The following BLTP1 variants were observed in gnomAD, a reference collection of about 807,000 sequenced individuals.
The protein encoded by BLTP1 is bridge-like lipid transfer protein family member 1, also known as fragile site-associated protein.
chr4:122,256,092 G>A, the BLTP1 span: 4 of 982,752 alleles, frequency 4.1e-6, no homozygotes, highest in Non-Finnish European at 4.8e-6. Flanking sequence ...TAGAGTTTTA[G>A]AACTTTTAGG....
chr4:122,262,148 T>G, the BLTP1 span, among the ~76,000 whole-genome samples: 3 of 133,430 alleles, frequency 2.2e-5, no homozygotes, highest in Non-Finnish European at 4.8e-5. Flanking sequence ...TACAGATCCT[T>G]TGTGTGTGTG....
the BLTP1 span, among the ~76,000 whole-genome samples, chr4:122,283,970 C>A: frequency 6.6e-6 from 1 of 152,100 alleles, no homozygotes; most frequent in Non-Finnish European, 1.5e-5. Flanking sequence ...TTGTTTAGGT[C>A]TTCTTTAATG....
chr4:122,286,493 G>C, the BLTP1 span: 4 of 1,603,952 alleles, frequency 2.5e-6, no homozygotes, highest in Admixed American at 5.0e-5. Context: ...AGGAATGAAT[G>C]AGTGAATGAA....
At chr4:122,344,662 G>A in the BLTP1 span, 2 of 1,157,078 alleles carry the variant, frequency 1.7e-6, no homozygotes, top group African/African-American at 3.1e-5. Flanking sequence ...TTAATGTTAA[G>A]CTTTCAGTGA....
At chr4:122,275,896 T>A in the BLTP1 span, 1 of 1,399,928 alleles carries the variant, frequency 7.1e-7, no homozygotes, top group Non-Finnish European at 9.3e-7. Flanking sequence ...ATTGGTCATA[T>A]TGTAACTAAT....
the BLTP1 span, chr4:122,208,526 T>A: frequency 1.6e-5 from 15 of 948,562 alleles, no homozygotes; most frequent in Non-Finnish European, 1.8e-5. Context: ...CAATACTATC[T>A]GAAAAATTAA....
At chr4:122,215,092 A>G in the BLTP1 span, among the ~76,000 whole-genome samples, 2 of 152,250 alleles carry the variant, frequency 1.3e-5, no homozygotes, top group East Asian at 3.8e-4. Context: ...AACTCATGAA[A>G]GAATCCTAGT....
the BLTP1 span, chr4:122,189,442 C>T: frequency 1.0e-6 from 1 of 980,058 alleles, no homozygotes; most frequent in Non-Finnish European, 1.2e-6. Flanking sequence ...AGATTTATTT[C>T]AAGTTGATTA....
chr4:122,167,584 G>A, the BLTP1 span: 2 of 849,412 alleles, frequency 2.4e-6, no homozygotes, highest in Non-Finnish European at 2.8e-6. Context: ...GGCCATGGAT[G>A]TTCTTCTCCT....
the BLTP1 span, chr4:122,238,404 T>A: frequency 2.0e-6 from 3 of 1,490,322 alleles, no homozygotes; most frequent in African/African-American, 2.8e-5. Context: ...TATAATTGTT[T>A]AAAATTCTGG....
the BLTP1 span, chr4:122,209,273 C>A: frequency 2.5e-6 from 4 of 1,612,738 alleles, no homozygotes; most frequent in Non-Finnish European, 3.4e-6. Context: ...TACTGGTATT[C>A]CTGCTGAGTG....
chr4:122,319,822 AGCCACCAT>A, the BLTP1 span, among the ~76,000 whole-genome samples: 1 of 152,130 alleles, frequency 6.6e-6, no homozygotes, highest in Non-Finnish European at 1.5e-5. Context: ...TACAGGTGTG[AGCCACCAT>A]GCCTGGCCAT....
chr4:122,188,167 CT>C, the BLTP1 span: 13 of 1,274,288 alleles, frequency 1.0e-5, no homozygotes, highest in South Asian at 2.1e-5. Flanking sequence ...CATCCTTTTA[CT>C]TTTTTTGCTA....
At chr4:122,318,269 G>A in the BLTP1 span, 10 of 1,608,340 alleles carry the variant, frequency 6.2e-6, no homozygotes, top group Non-Finnish European at 8.5e-6. Context: ...TCCAGTATGC[G>A]GGTGAGTTCT....
chr4:122,175,712 G>C, the BLTP1 span: 3 of 601,546 alleles, frequency 5.0e-6, no homozygotes, highest in South Asian at 6.5e-5. Context: ...AAAGATGTGT[G>C]TTTATGTATG....
the BLTP1 span, chr4:122,247,756 A>C: frequency 9.9e-7 from 1 of 1,009,098 alleles, no homozygotes; most frequent in Non-Finnish European, 1.2e-6. Flanking sequence ...ATTAATCAAA[A>C]CCAGAGAGTC....
At chr4:122,221,935 A>G in the BLTP1 span, 1 of 980,068 alleles carries the variant, frequency 1.0e-6, no homozygotes, top group South Asian at 4.7e-5. Flanking sequence ...GACATAGAAA[A>G]CATTTTATTG....
chr4:122,309,086 T>C, the BLTP1 span: 1 of 353,448 alleles, frequency 2.8e-6, no homozygotes, highest in Non-Finnish European at 4.0e-6. Flanking sequence ...AAAATGCACA[T>C]GGCAAGTACA....
the BLTP1 span, among the ~76,000 whole-genome samples, chr4:122,239,153 A>G: frequency 6.6e-6 from 1 of 152,114 alleles, no homozygotes; most frequent in Non-Finnish European, 1.5e-5. Context: ...TTCTTCCTCC[A>G]GTCTCCTTTA....
Sources: allele counts gnomAD v4.1 joint callset (sites outside exome capture counted in the v4.1 genomes callset), GRCh38; gene constraint gnomAD v4.1.1; transcripts MANE v1.5; gene names NCBI Gene and HGNC (gene_info 2026-07-23, HGNC 2026-07-21).